The following GRIA3 variants were observed in gnomAD, a reference collection of about 807,000 sequenced individuals.
The protein encoded by GRIA3 is glutamate ionotropic receptor AMPA type subunit 3.
GRIA3 carries 3 observed loss-of-function variants against 63.0 expected under a neutral mutation model. The ratio of observed to expected loss-of-function variants is 0.05; its 90% CI spans 0.02 to 0.12. GRIA3 has a LOEUF of 0.12. GRIA3 is among the 10% of genes least tolerant of loss of function. The probability of loss-of-function intolerance (pLI) is 1.00; values close to 1 mark genes in which losing one functional copy is unlikely to be tolerated. For synonymous variants in GRIA3, 274 were observed against 257.9 expected (o/e 1.06, Z -0.60); for missense variants, 347 against 700.9 (o/e 0.50, Z 5.70).
At chrX:123,274,639 T>C (rs1284468835) in intron 3 of GRIA3, among the ~76,000 whole-genome samples, 1 of 112,262 alleles carries the variant, frequency 8.9e-6, no homozygotes, top group Non-Finnish European at 1.9e-5. Flanking sequence ...AGCCCCTGTG[T>C]TCTCTAAGTG....
chrX:123,261,039 C>A (rs891632184), intron 3 of GRIA3, among the ~76,000 whole-genome samples: 1 of 111,723 alleles, frequency 9.0e-6, no homozygotes, highest in Non-Finnish European at 1.9e-5. Flanking sequence ...TGCTTTGGGG[C>A]ATAAGAAGAG....
chrX:123,278,077 C>T (rs569159210), intron 3 of GRIA3, among the ~76,000 whole-genome samples: 84 of 112,106 alleles, frequency 7.5e-4, no homozygotes, highest in African/African-American at 2.6e-3. Context: ...AAGCAGTCAA[C>T]GTTTCAACGA....
At chrX:123,456,195 T>C (rs616364) in intron 12 of GRIA3, among the ~76,000 whole-genome samples, 19,774 of 110,582 alleles carry the variant, frequency 0.18, 1,406 homozygotes, top group African/African-American at 0.25. Context: ...GCACACACAC[T>C]GTTCTCAGTG....
At position 123,352,604 on chromosome X, in the gene GRIA3, C is replaced by T. The variant is rs1191123694; in HGVS notation, c.697-2306C>T. Among the ~76,000 whole-genome samples the T allele has an allele frequency of 6.8e-4, 76 of 111,983 alleles. No individual in the cohort carries two copies. In the Admixed American group the frequency reaches 7.2e-3, roughly 11 times the overall value. On this transcript the variant is annotated intron_variant, in intron 4 of 15. Transcript: ENST00000620443. Reference sequence around the variant, plus strand: ...TCTCTACACACAAAAAAACACTAAACTCTGCCTCTGATGAAAAAGACGTAT... The same window carrying T: ...TCTCTACACACAAAAAAACACTAAATTCTGCCTCTGATGAAAAAGACGTAT...
chrX:123,435,991 A>T (rs762486963), intron 12 of GRIA3, among the ~76,000 whole-genome samples: 2 of 111,636 alleles, frequency 1.8e-5, no homozygotes, highest in East Asian at 2.8e-4. Context: ...CCCAAGAAAC[A>T]TTAGGAAAAG....
At chrX:123,401,943 T>A (rs759640854) in intron 7 of GRIA3, among the ~76,000 whole-genome samples, 1 of 111,960 alleles carries the variant, frequency 8.9e-6, no homozygotes, top group East Asian at 2.8e-4. Flanking sequence ...TTTCATCCAG[T>A]GTCCCTGCAC....
Position 123,188,060 on chromosome X carries a change from C to T in GRIA3, c.268+2070C>T, listed in dbSNP as rs188817609. Among the ~76,000 whole-genome samples the T allele has an allele frequency of 5.6e-4, 62 of 111,703 alleles. 1 individual carries two copies. The Admixed American group carries it at 5.6e-3, about 10-fold the overall frequency. On this transcript the variant is annotated intron_variant, in intron 2 of 15. Coordinates refer to ENST00000620443, the MANE Select transcript of GRIA3 (RefSeq NM_007325.5). ...AGAAGGAGTGTGGCTCACTGGGCAA[C>T]AAGAAAAAGAAAATGAAAACGTGAC...
intron 12 of GRIA3, among the ~76,000 whole-genome samples, chrX:123,459,640 C>T (rs2045781791): frequency 9.0e-6 from 1 of 110,602 alleles, no homozygotes; most frequent in Admixed American, 9.6e-5. Context: ...TTGTTTGTTC[C>T]TTTTTAGGTA....
At chrX:123,462,290 G>A (rs1384041033) in intron 12 of GRIA3, among the ~76,000 whole-genome samples, 5 of 111,492 alleles carry the variant, frequency 4.5e-5, no homozygotes, top group African/African-American at 1.6e-4. Flanking sequence ...TCTTCCAATA[G>A]TCTCCTATAA....
chrX:123,298,357 A>G (rs1374328225), intron 3 of GRIA3, among the ~76,000 whole-genome samples: 2 of 111,583 alleles, frequency 1.8e-5, no homozygotes, highest in East Asian at 5.6e-4. Flanking sequence ...AAGGGTATAT[A>G]AGGGTACCAT....
chrX:123,271,099 G>A (rs1359599045), intron 3 of GRIA3, among the ~76,000 whole-genome samples: 1 of 111,901 alleles, frequency 8.9e-6, no homozygotes, highest in Non-Finnish European at 1.9e-5. Flanking sequence ...GCTATTTGGA[G>A]CTCTGTAGAT....
At chrX:123,232,225 C>G (rs922208577) in intron 2 of GRIA3, among the ~76,000 whole-genome samples, 2 of 111,527 alleles carry the variant, frequency 1.8e-5, no homozygotes, top group Admixed American at 1.9e-4. Flanking sequence ...CTAGAAGTAC[C>G]CTGTCCACAA....
At chrX:123,189,829 G>A (rs139578137) in intron 2 of GRIA3, among the ~76,000 whole-genome samples, 227 of 111,211 alleles carry the variant, frequency 2.0e-3, no homozygotes, top group Non-Finnish European at 3.6e-3. Context: ...CTGGCTAAAC[G>A]TAACCCATCA....
chrX:123,415,016 G>A (rs377276778), intron 10 of GRIA3, among the ~76,000 whole-genome samples: 1 of 112,045 alleles, frequency 8.9e-6, no homozygotes, highest in Admixed American at 9.4e-5. Context: ...CACGATGGTT[G>A]AACTAATTTA....
intron 10 of GRIA3, among the ~76,000 whole-genome samples, chrX:123,414,604 G>A (rs1473381529): frequency 1.7e-4 from 17 of 97,969 alleles, no homozygotes; most frequent in African/African-American, 5.7e-4. Context: ...CCAGTGTGTG[G>A]TGTTCCCCCA....
chrX:123,420,082 T>C (rs182318406), intron 11 of GRIA3, among the ~76,000 whole-genome samples: 2 of 112,025 alleles, frequency 1.8e-5, no homozygotes, highest in East Asian at 5.6e-4. Flanking sequence ...AACATCTTTA[T>C]ATTTTGAGAC....
chrX:123,190,558 T>C (rs1927404132), intron 2 of GRIA3, among the ~76,000 whole-genome samples: 1 of 111,441 alleles, frequency 9.0e-6, no homozygotes, highest in South Asian at 3.8e-4. Flanking sequence ...TTACCTCCCC[T>C]AGAAGGCAGC....
intron 3 of GRIA3, among the ~76,000 whole-genome samples, chrX:123,291,600 T>C (rs1417055765): frequency 9.0e-6 from 1 of 111,296 alleles, no homozygotes; most frequent in Non-Finnish European, 1.9e-5. Context: ...AAAGTACAAT[T>C]TTTAAGAGAA....
chrX:123,329,679 G>A (rs183037552), intron 4 of GRIA3, among the ~76,000 whole-genome samples: 6 of 111,618 alleles, frequency 5.4e-5, no homozygotes, highest in African/African-American at 1.6e-4. Context: ...AATATTTAGA[G>A]ATGGTATATC....
Sources: gnomAD v4.1 joint callset for allele counts (sites outside exome capture counted in the v4.1 genomes callset) on GRCh38, gnomAD v4.1.1 for gene constraint, MANE v1.5 for transcripts, NCBI Gene and HGNC (gene_info 2026-07-23, HGNC 2026-07-21) for gene names.